ZRANB3: variants seen among roughly 807,000 people sequenced by gnomAD.
The protein encoded by ZRANB3 is zinc finger RANBP2-type containing 3, also known as DNA annealing helicase and endonuclease ZRANB3.
In ZRANB3, 125 loss-of-function variants were observed where a neutral mutation model predicts 133.8. The observed-to-expected ratio is 0.93, with a 90% CI of 0.81 to 1.08. The LOEUF (loss-of-function observed/expected upper bound fraction) is 1.08. Among genes scored for constraint, ZRANB3 ranks in the 50% least tolerant of loss-of-function variants. The pLI, the probability that ZRANB3 is intolerant of heterozygous loss-of-function variation, is 0.00. For missense variants in ZRANB3, 1,229 were observed against 1,275.5 expected (o/e 0.96, Z 0.56); for synonymous variants, 387 against 432.7 (o/e 0.89, Z 1.31).
intron 2 of ZRANB3, among the ~76,000 whole-genome samples, chr2:135,442,190 C>T (rs1689810960): frequency 6.6e-6 from 1 of 152,146 alleles, no homozygotes; most frequent in South Asian, 2.1e-4. Flanking sequence ...CCAAAATAGA[C>T]AAATGGGATC....
chr2:135,392,330 A>G (rs1288200068), intron 2 of ZRANB3, among the ~76,000 whole-genome samples: 1 of 127,976 alleles, frequency 7.8e-6, no homozygotes, highest in Non-Finnish European at 1.6e-5. Context: ...AAAACAAAAC[A>G]AAATGAAAAT....
chr2:135,386,080 TG>T (rs1686957776), intron 3 of ZRANB3, among the ~76,000 whole-genome samples: 1 of 152,110 alleles, frequency 6.6e-6, no homozygotes, highest in South Asian at 2.1e-4. Flanking sequence ...AGAAAATTCT[TG>T]CAATCTACCC....
chr2:135,217,969 T>C (rs200049948), intron 16 of ZRANB3, among the ~76,000 whole-genome samples: 1 of 152,124 alleles, frequency 6.6e-6, no homozygotes, highest in Non-Finnish European at 1.5e-5. Flanking sequence ...CATGCCACCA[T>C]ACCTGGCTAG....
chr2:135,377,312 A>C (rs1438842438), intron 3 of ZRANB3, among the ~76,000 whole-genome samples: 1 of 152,134 alleles, frequency 6.6e-6, no homozygotes, highest in Non-Finnish European at 1.5e-5. Context: ...AGTATATATA[A>C]TCTCCTTGCT....
intron 6 of ZRANB3, among the ~76,000 whole-genome samples, chr2:135,320,962 A>G (rs1683497046): frequency 6.6e-6 from 1 of 152,214 alleles, no homozygotes; most frequent in African/African-American, 2.4e-5. Flanking sequence ...TATATATGTT[A>G]TTGGGTATAT....
rs116232393 is a variant in ZRANB3 at position 135,435,409 on chromosome 2, T to C, written c.162-44589A>G. 3.2e-3 allele frequency among the ~76,000 whole-genome samples: 487 copies of C among 152,346 alleles called. 2 individuals carry two copies. Among genetic ancestry groups the C allele is most frequent in the African/African-American group, 0.01 (430 of 41,578 alleles). On this transcript the variant is annotated intron_variant, in intron 2 of 20. Coordinates refer to ENST00000264159, the MANE Select transcript of ZRANB3 (RefSeq NM_032143.4). The stretch of plus-strand genomic sequence containing the variant: ...AGTCTGTCAGTGATGTGCATTTAGG[T>C]TGATTCCATGTCTTTGTTACTGTGA...
intron 1 of ZRANB3, among the ~76,000 whole-genome samples, chr2:135,520,320 A>T (rs1269010834): frequency 2.6e-5 from 4 of 151,968 alleles, no homozygotes; most frequent in Non-Finnish European, 5.9e-5. Flanking sequence ...GGTTGAACCC[A>T]GGAGACGGAG....
At chr2:135,385,953 C>T (rs562896893) in intron 3 of ZRANB3, among the ~76,000 whole-genome samples, 2 of 152,246 alleles carry the variant, frequency 1.3e-5, no homozygotes, top group Non-Finnish European at 2.9e-5. Flanking sequence ...ATGACTAAAA[C>T]ACCAAAAGCA....
intron 12 of ZRANB3, among the ~76,000 whole-genome samples, chr2:135,250,458 G>A (rs538012996): frequency 6.6e-6 from 1 of 152,336 alleles, no homozygotes; most frequent in South Asian, 2.1e-4. Context: ...AAGACCATGG[G>A]GAAAATGTCT....
At chr2:135,322,991 T>C (rs1479102379) in intron 6 of ZRANB3, among the ~76,000 whole-genome samples, 2 of 151,658 alleles carry the variant, frequency 1.3e-5, no homozygotes, top group South Asian at 2.1e-4. Context: ...CACTCCAGCC[T>C]GGGCAACAAA....
chr2:135,311,661 G>C (rs1033520015), intron 8 of ZRANB3, among the ~76,000 whole-genome samples: 8 of 151,990 alleles, frequency 5.3e-5, no homozygotes, highest in African/African-American at 9.7e-5. Flanking sequence ...GAGGCAGAAG[G>C]ATCCCTAGAG....
At chr2:135,402,948 T>G (rs1687807974) in intron 2 of ZRANB3, among the ~76,000 whole-genome samples, 1 of 152,058 alleles carries the variant, frequency 6.6e-6, no homozygotes, top group African/African-American at 2.4e-5. Flanking sequence ...ATTCTTCCAC[T>G]GCTATAAACA....
chr2:135,417,172 C>G (rs998331136), intron 2 of ZRANB3, among the ~76,000 whole-genome samples: 1 of 152,120 alleles, frequency 6.6e-6, no homozygotes, highest in Non-Finnish European at 1.5e-5. Context: ...AGTGAACAGG[C>G]AACCTACAGA....
At chr2:135,398,061 T>A (rs555462527) in intron 2 of ZRANB3, among the ~76,000 whole-genome samples, 1 of 152,220 alleles carries the variant, frequency 6.6e-6, no homozygotes, top group African/African-American at 2.4e-5. Context: ...TTGTTTTTCT[T>A]ATTATTTATT....
At chr2:135,512,296 T>G (rs1359469633) in intron 1 of ZRANB3, among the ~76,000 whole-genome samples, 1 of 152,160 alleles carries the variant, frequency 6.6e-6, no homozygotes, top group African/African-American at 2.4e-5. Flanking sequence ...TCAACTGGAA[T>G]TCACTGACTC....
At chr2:135,402,230 G>A (rs995607574) in intron 2 of ZRANB3, among the ~76,000 whole-genome samples, 4 of 151,628 alleles carry the variant, frequency 2.6e-5, no homozygotes, top group Non-Finnish European at 5.9e-5. Flanking sequence ...CTTGATTTGA[G>A]GCAATAATTT....
chr2:135,501,102 T>C (rs1670603755), intron 2 of ZRANB3, among the ~76,000 whole-genome samples: 1 of 152,072 alleles, frequency 6.6e-6, no homozygotes, highest in African/African-American at 2.4e-5. Flanking sequence ...TAGAGTATAG[T>C]GAAACTACAG....
In ZRANB3 at chr2:135,423,386, G is replaced by A. The variant is rs191035977; in HGVS notation, c.162-32566C>T. Among the ~76,000 whole-genome samples, 539 of 152,220 alleles carry A rather than the reference G, an allele frequency of 3.5e-3. 12 individuals carry two copies. The highest frequency in any genetic ancestry group is 0.031 in the Admixed American group (476 of 15,284). ...GCGGAGGTTGCAGTGAGCCAAGATC[G>A]TGCCACTGCACTCTAGCCTGGCGAC... On this transcript the variant is annotated intron_variant, in intron 2 of 20. Coordinates refer to ENST00000264159, the MANE Select transcript of ZRANB3 (RefSeq NM_032143.4).
chr2:135,434,804 T>TAC (rs1201149872), intron 2 of ZRANB3, among the ~76,000 whole-genome samples: 9 of 152,220 alleles, frequency 5.9e-5, no homozygotes, highest in Non-Finnish European at 1.0e-4. Flanking sequence ...TTCTTAAAAC[T>TAC]ACACATGGAG....
Sources: allele counts gnomAD v4.1 joint callset (sites outside exome capture counted in the v4.1 genomes callset), GRCh38; gene constraint gnomAD v4.1.1; transcripts MANE v1.5; gene names NCBI Gene and HGNC (gene_info 2026-07-23, HGNC 2026-07-21).